Variants in DOK6 observed in about 807,000 individuals in gnomAD.
The protein encoded by DOK6 is docking protein 6, also known as downstream of tyrosine kinase 6.
In DOK6, 22 loss-of-function variants were observed where a neutral mutation model predicts 44.0. That is an observed-to-expected ratio of 0.50 (90% CI 0.36 to 0.71). The LOEUF is 0.71. DOK6 is among the 30% of genes least tolerant of loss of function. The pLI is 0.00. For synonymous variants in DOK6, 166 were observed against 145.5 expected (o/e 1.14, Z -1.01); for missense variants, 340 against 416.4 (o/e 0.82, Z 1.60).
At chr18:69,829,882 T>A (rs1385437269) in intron 7 of DOK6, among the ~76,000 whole-genome samples, 1 of 152,098 alleles carries the variant, frequency 6.6e-6, no homozygotes, top group Non-Finnish European at 1.5e-5. Context: ...AGAAAGAAAG[T>A]ACTTTTATAT....
At chr18:69,613,562 ATTCCT>A (rs1984214022) in intron 3 of DOK6, among the ~76,000 whole-genome samples, 1 of 152,192 alleles carries the variant, frequency 6.6e-6, no homozygotes, top group Non-Finnish European at 1.5e-5. Flanking sequence ...ATACTTTGTC[ATTCCT>A]TTCCTATGAG....
At chr18:69,543,181 T>C (rs1982314032) in intron 1 of DOK6, among the ~76,000 whole-genome samples, 1 of 151,584 alleles carries the variant, frequency 6.6e-6, no homozygotes, top group Non-Finnish European at 1.5e-5. Flanking sequence ...AATTTACTTT[T>C]ATTTTCGGCT....
chr18:69,436,420 G>C (rs148238524), intron 1 of DOK6, among the ~76,000 whole-genome samples: 91 of 151,994 alleles, frequency 6.0e-4, no homozygotes, highest in African/African-American at 2.1e-3. Flanking sequence ...TGCGGTGTTT[G>C]GTTTTCTGTT....
intron 3 of DOK6, among the ~76,000 whole-genome samples, chr18:69,611,007 G>C (rs1224317869): frequency 6.6e-6 from 1 of 151,790 alleles, no homozygotes; most frequent in Non-Finnish European, 1.5e-5. Flanking sequence ...GGAGGATGAT[G>C]GTGAGGTGGA....
intron 3 of DOK6, among the ~76,000 whole-genome samples, chr18:69,673,867 C>G (rs1312698605): frequency 1.3e-5 from 2 of 152,000 alleles, no homozygotes; most frequent in South Asian, 2.1e-4. Flanking sequence ...TTTATAGAAC[C>G]CTTTAATGTC....
At chr18:69,671,989 A>T (rs769934723) in intron 3 of DOK6, among the ~76,000 whole-genome samples, 7 of 152,170 alleles carry the variant, frequency 4.6e-5, no homozygotes, top group Non-Finnish European at 8.8e-5. Context: ...ACCCTGAATG[A>T]ACCAATCTCA....
chr18:69,638,240 A>AT (rs1263987048), intron 3 of DOK6, among the ~76,000 whole-genome samples: 1 of 152,188 alleles, frequency 6.6e-6, no homozygotes, highest in Non-Finnish European at 1.5e-5. Context: ...TTCTAATAAA[A>AT]CTTTATTTAC....
At chr18:69,518,005 T>C (rs1255954785) in intron 1 of DOK6, among the ~76,000 whole-genome samples, 1 of 152,184 alleles carries the variant, frequency 6.6e-6, no homozygotes, top group Non-Finnish European at 1.5e-5. Context: ...GGCTTTTAAC[T>C]TCTCTTGGTG....
At chr18:69,712,592 C>T (rs1986791785) in intron 5 of DOK6, among the ~76,000 whole-genome samples, 1 of 152,136 alleles carries the variant, frequency 6.6e-6, no homozygotes, top group African/African-American at 2.4e-5. Context: ...TGCCTGTAAT[C>T]CCAGCACTTT....
chr18:69,760,895 C>T (rs1416393932), intron 7 of DOK6, among the ~76,000 whole-genome samples: 1 of 65,732 alleles, frequency 1.5e-5, no homozygotes, highest in Non-Finnish European at 3.1e-5. Context: ...CAGGTGTTTT[C>T]TGTCTAGTAG....
intron 3 of DOK6, among the ~76,000 whole-genome samples, chr18:69,651,282 C>G (rs1985218158): frequency 6.6e-6 from 1 of 152,134 alleles, no homozygotes; most frequent in Non-Finnish European, 1.5e-5. Flanking sequence ...CCTTTTATCC[C>G]ATGCATAATC....
chr18:69,495,068 G>GGGC (rs1980843937), intron 1 of DOK6, among the ~76,000 whole-genome samples: 3 of 152,218 alleles, frequency 2.0e-5, no homozygotes, highest in Admixed American at 2.0e-4. Context: ...ACAGCAGGAT[G>GGGC]GGCACCTCCA....
At chr18:69,812,179 G>A (rs1346771056) in intron 7 of DOK6, among the ~76,000 whole-genome samples, 1 of 152,076 alleles carries the variant, frequency 6.6e-6, no homozygotes, top group Non-Finnish European at 1.5e-5. Flanking sequence ...TCTTAGCGTT[G>A]TCAGAGAGAC....
In DOK6 at chr18:69,730,519, T is replaced by C. The variant is rs186605758; in HGVS notation, c.600-8446T>C. On this transcript the variant is annotated intron_variant, in intron 5 of 7. Coordinates refer to ENST00000382713, the MANE Select transcript of DOK6 (RefSeq NM_152721.6). ...AACAATACAAACTGATTGATACTTT[T>C]ATTTTTGATAGGGAGATATTTACTC... Among the ~76,000 whole-genome samples, 17 of 152,342 alleles carry C rather than the reference T, an allele frequency of 1.1e-4. No individual in the cohort carries two copies. The East Asian group carries it at 3.3e-3, about 29-fold the overall frequency.
intron 3 of DOK6, among the ~76,000 whole-genome samples, chr18:69,622,746 AG>A (rs1344881174): frequency 6.6e-6 from 1 of 152,226 alleles, no homozygotes; most frequent in Non-Finnish European, 1.5e-5. Flanking sequence ...AACAACTGGC[AG>A]GTGCAACAAT....
At chr18:69,667,431 C>T (rs1985688538) in intron 3 of DOK6, among the ~76,000 whole-genome samples, 2 of 152,114 alleles carry the variant, frequency 1.3e-5, no homozygotes, top group African/African-American at 4.8e-5. Flanking sequence ...TTTTGTCTTC[C>T]AACAAAGACA....
intron 2 of DOK6, among the ~76,000 whole-genome samples, chr18:69,588,504 A>G (rs1345992317): frequency 3.3e-5 from 5 of 152,138 alleles, no homozygotes; most frequent in Admixed American, 2.6e-4. Flanking sequence ...GGCTGGTTTT[A>G]TCATGAAGCT....
At chr18:69,630,874 G>A (rs564452924) in intron 3 of DOK6, among the ~76,000 whole-genome samples, 13 of 152,154 alleles carry the variant, frequency 8.5e-5, no homozygotes, top group African/African-American at 2.4e-4. Flanking sequence ...AAATTTATAG[G>A]CATTTTCTTA....
chr18:69,550,817 T>A (rs1409809594), intron 1 of DOK6, among the ~76,000 whole-genome samples: 4 of 144,278 alleles, frequency 2.8e-5, no homozygotes, highest in African/African-American at 1.0e-4. Context: ...ACGGTCTTAC[T>A]CCCTCACCCA....
Sources: allele counts gnomAD v4.1 joint callset (sites outside exome capture counted in the v4.1 genomes callset), GRCh38; gene constraint gnomAD v4.1.1; transcripts MANE v1.5; gene names NCBI Gene and HGNC (gene_info 2026-07-23, HGNC 2026-07-21).